TDP1: variants seen among roughly 807,000 people sequenced by gnomAD.
TDP1 encodes the protein tyr-DNA phosphodiesterase 1.
Under a neutral mutation model 81.5 loss-of-function variants are expected in TDP1, and 64 were observed. The observed-to-expected ratio is 0.79, with a 90% CI of 0.64 to 0.97. The LOEUF is 0.97. Among genes scored for constraint, TDP1 ranks in the 50% least tolerant of loss-of-function variants. The pLI is 0.00. For missense variants in TDP1, 723 were observed against 743.8 expected (o/e 0.97, Z 0.33); for synonymous variants, 256 against 264.3 (o/e 0.97, Z 0.30).
intron 2 of TDP1, 80 bp from the exon 3 acceptor site, chr14:89,963,028 G>A: frequency 6.2e-7 from 1 of 1,606,076 alleles, no homozygotes; most frequent in Non-Finnish European, 8.5e-7. Flanking sequence ...TCATCTGACA[G>A]GGAAGTTGAG....
chr14:89,970,757 A>G (rs1372359051), intron 5 of TDP1: 2 of 939,832 alleles, frequency 2.1e-6, no homozygotes, highest in Non-Finnish European at 2.5e-6. Flanking sequence ...AAGGCCGGAA[A>G]CATATCGAGT....
intron 14 of TDP1, among the ~76,000 whole-genome samples, chr14:90,011,780 C>T (rs1382821522): frequency 6.6e-6 from 1 of 152,188 alleles, no homozygotes; most frequent in East Asian, 1.9e-4. Flanking sequence ...CATAGAGATA[C>T]TCTTTGGAGT....
intron 8 of TDP1, among the ~76,000 whole-genome samples, chr14:89,983,913 G>C (rs182457719): frequency 1.5e-3 from 226 of 152,328 alleles, no homozygotes; most frequent in Non-Finnish European, 2.6e-3. Context: ...TAATGTCACT[G>C]AATGTGATAT....
At chr14:90,007,513 C>T (rs1479193110) in intron 14 of TDP1, among the ~76,000 whole-genome samples, 2 of 152,110 alleles carry the variant, frequency 1.3e-5, no homozygotes, top group African/African-American at 4.8e-5. Context: ...CGCTTGAACC[C>T]AGGAAGCAGA....
rs145760335 is a variant in TDP1, at chr14:89,965,194, G to T, written c.560-953G>T. Among the ~76,000 whole-genome samples the T allele has an allele frequency of 2.1e-3, 316 of 152,160 alleles. 1 individual carries two copies. The highest frequency in any genetic ancestry group is 7.2e-3 in the African/African-American group (299 of 41,518). ...TTTTTGTTGTTGTTCTCTGAAAATCGTTCTACCCCAGCATCTAGCTCAATG... is the reference window on the plus strand; with the variant it reads ...TTTTTGTTGTTGTTCTCTGAAAATCTTTCTACCCCAGCATCTAGCTCAATG... On this transcript the variant is annotated intron_variant, in intron 3 of 16. Coordinates refer to ENST00000335725, the MANE Select transcript of TDP1 (RefSeq NM_018319.4).
chr14:89,989,205 T>G (rs1236529037), intron 11 of TDP1, 115 bp downstream of exon 11: 1 of 1,398,764 alleles, frequency 7.1e-7, no homozygotes, highest in Non-Finnish European at 9.7e-7. Flanking sequence ...CTTTTTTTTT[T>G]TTTGGCGTGG....
chr14:89,980,619 C>G lies in TDP1; in HGVS notation c.871C>G (p.Gln291Glu). ...TSNLIHADWHQKTQGIWLSPL... is the reference protein window; with the variant it reads ...TSNLIHADWHEKTQGIWLSPL... Reference sequence around the variant, plus strand: ...CAACCTCATCCATGCTGACTGGCACCAGAAAACTCAAGGGTTCGTAGGGGC... The same window carrying G: ...CAACCTCATCCATGCTGACTGGCACGAGAAAACTCAAGGGTTCGTAGGGGC... The change falls in exon 8 of 17, where the codon CAG (glutamine) becomes GAG (glutamate). Residue 291 changes from glutamine to glutamate, a missense_variant. By Grantham distance (29) the Gln-to-Glu change is conservative. Transcript: ENST00000335725. The G allele has an allele frequency of 6.2e-7, 1 of 1,614,116 alleles. No homozygotes were observed. The highest frequency in any genetic ancestry group is 8.5e-7 in the Non-Finnish European group (1 of 1,179,988).
At position 90,015,553 on chromosome 14, in the gene TDP1, A is replaced by G. The variant is rs1185658690; in HGVS notation, c.1542-3763A>G. Among the ~76,000 whole-genome samples, 9 of 152,190 alleles carry G rather than the reference A, an allele frequency of 5.9e-5. No homozygotes were observed. In the East Asian group the frequency reaches 1.7e-3, roughly 29 times the overall value. On this transcript the variant is annotated intron_variant, in intron 14 of 16. Transcript: ENST00000335725. ...TGCCTCATTCAGCTCAGACTGCTAT[A>G]CAGAGCAGCTTATAAATATATTTCA...
intron 5 of TDP1, 93 bp downstream of exon 5, chr14:89,967,515 T>G: frequency 4.5e-6 from 5 of 1,121,842 alleles, no homozygotes; most frequent in Non-Finnish European, 6.8e-6. Context: ...CACTCATCTT[T>G]TGAGTTTTTC....
At chr14:90,038,740 A>C (rs1888065862) in intron 16 of TDP1, among the ~76,000 whole-genome samples, 1 of 152,142 alleles carries the variant, frequency 6.6e-6, no homozygotes, top group Non-Finnish European at 1.5e-5. Context: ...TGGGTGGCTG[A>C]GACAGGAGAA....
intron 2 of TDP1, among the ~76,000 whole-genome samples, chr14:89,960,380 A>G (rs1181648659): frequency 6.6e-6 from 1 of 152,174 alleles, no homozygotes; most frequent in African/African-American, 2.4e-5. Flanking sequence ...TCATGGAGGA[A>G]ACTGGGCACT....
chr14:90,011,470 T>C (rs1884695668), intron 14 of TDP1, among the ~76,000 whole-genome samples: 1 of 152,152 alleles, frequency 6.6e-6, no homozygotes, highest in African/African-American at 2.4e-5. Flanking sequence ...GTGGGAAAGT[T>C]TGGAACTTCC....
At chr14:90,032,902 A>G in intron 15 of TDP1, 1 of 972,756 alleles carries the variant, frequency 1.0e-6, no homozygotes, top group South Asian at 4.8e-5. Flanking sequence ...CCTGAAAATT[A>G]AAGCTCTTAT....
intron 14 of TDP1, among the ~76,000 whole-genome samples, chr14:90,002,327 C>G (rs59912972): frequency 6.6e-6 from 1 of 152,178 alleles, no homozygotes. Context: ...CACTTACTAG[C>G]CTTGCCACTT....
intron 6 of TDP1, chr14:89,975,350 A>G: frequency 1.1e-5 from 10 of 945,956 alleles, no homozygotes; most frequent in Non-Finnish European, 1.3e-5. Flanking sequence ...TGCTGGGATT[A>G]CAGGCGTGAG....
intron 5 of TDP1, among the ~76,000 whole-genome samples, chr14:89,968,487 T>C (rs1893207925): frequency 2.0e-5 from 3 of 152,342 alleles, no homozygotes; most frequent in Admixed American, 2.0e-4. Context: ...ATTCTAGCTA[T>C]GCCCATCTAA....
chr14:90,018,586 A>G (rs1158516439), intron 14 of TDP1, among the ~76,000 whole-genome samples: 1 of 152,068 alleles, frequency 6.6e-6, no homozygotes, highest in Non-Finnish European at 1.5e-5. Context: ...GCAGCCTTCC[A>G]AGTAGCTAGG....
chr14:90,006,541 A>G (rs1211719366), intron 14 of TDP1, among the ~76,000 whole-genome samples: 1 of 151,232 alleles, frequency 6.6e-6, no homozygotes, highest in Non-Finnish European at 1.5e-5. Flanking sequence ...CACCATGCCT[A>G]GCTAATTTTT....
intron 14 of TDP1, among the ~76,000 whole-genome samples, chr14:89,998,436 G>GTATATATA (rs1555390663): frequency 9.4e-6 from 1 of 106,462 alleles, no homozygotes; most frequent in African/African-American, 5.0e-5. Context: ...ATGTATGTAT[G>GTATATATA]TATGTATATG....
Sources: gnomAD v4.1 joint callset for allele counts (sites outside exome capture counted in the v4.1 genomes callset) on GRCh38, gnomAD v4.1.1 for gene constraint, MANE v1.5 for transcripts, NCBI Gene and HGNC (gene_info 2026-07-23, HGNC 2026-07-21) for gene names.